The following FANCC variants were observed in gnomAD, a reference collection of about 807,000 sequenced individuals.
FANCC encodes FA complementation group C.
A neutral mutation model predicts 71.3 loss-of-function variants in FANCC; 55 were observed. That is an observed-to-expected ratio of 0.77 (90% confidence interval 0.62 to 0.97). The LOEUF is 0.97. Ranked by LOEUF, FANCC falls within the 50% of genes least tolerant of loss-of-function variation. The probability of loss-of-function intolerance (pLI) is 0.00; values close to 1 mark genes in which losing one functional copy is unlikely to be tolerated. For synonymous variants in FANCC, 275 were observed against 244.9 expected (o/e 1.12, Z -1.15); for missense variants, 678 against 670.9 (o/e 1.01, Z -0.12).
chr9:95,293,972 G>C (rs1834222296), intron 1 of FANCC: 15 of 1,587,038 alleles, frequency 9.5e-6, no homozygotes, highest in Non-Finnish European at 1.3e-5. Context: ...GTAACTCATA[G>C]TTTGTTACCT....
intron 4 of FANCC, among the ~76,000 whole-genome samples, chr9:95,238,537 T>A (rs1285569854): frequency 1.3e-5 from 2 of 152,022 alleles, no homozygotes; most frequent in African/African-American, 2.4e-5. Flanking sequence ...ACTGGCTACA[T>A]GATATCTCTG....
intron 7 of FANCC, among the ~76,000 whole-genome samples, chr9:95,137,589 G>A (rs139721830): frequency 6.6e-6 from 1 of 152,182 alleles, no homozygotes; most frequent in Non-Finnish European, 1.5e-5. Context: ...ATTTCTGGAG[G>A]ATTTACTAAG....
chr9:95,280,140 T>C (rs983223899), intron 1 of FANCC, among the ~76,000 whole-genome samples: 3 of 151,932 alleles, frequency 2.0e-5, no homozygotes, highest in African/African-American at 2.4e-5. Context: ...ATTGTGGCTA[T>C]ACTGATATTA....
At chr9:95,240,283 C>T (rs1038258911) in intron 4 of FANCC, among the ~76,000 whole-genome samples, 8 of 152,156 alleles carry the variant, frequency 5.3e-5, no homozygotes, top group African/African-American at 1.9e-4. Context: ...TTGAGAGAGG[C>T]ATGGAAGCAT....
At chr9:95,186,312 A>G (rs780311136) in intron 4 of FANCC, among the ~76,000 whole-genome samples, 1 of 152,214 alleles carries the variant, frequency 6.6e-6, no homozygotes, top group Non-Finnish European at 1.5e-5. Flanking sequence ...TGGGCCTGAC[A>G]ATTCCTTGTT....
intron 2 of FANCC, among the ~76,000 whole-genome samples, chr9:95,248,390 G>A (rs1207663936): frequency 1.3e-5 from 2 of 151,880 alleles, no homozygotes; most frequent in Non-Finnish European, 2.9e-5. Context: ...AATTAGCATC[G>A]GTTGTTCACA....
chr9:95,259,490 TG>T (rs1831888947), intron 1 of FANCC, among the ~76,000 whole-genome samples: 2 of 152,198 alleles, frequency 1.3e-5, no homozygotes, highest in South Asian at 4.1e-4. Flanking sequence ...GCTAGCCATA[TG>T]CAGAAAACTG....
At chr9:95,145,910 A>G (rs1829476408) in intron 7 of FANCC, among the ~76,000 whole-genome samples, 2 of 152,196 alleles carry the variant, frequency 1.3e-5, no homozygotes, top group Admixed American at 6.5e-5. Flanking sequence ...AGGGATTGAA[A>G]GAGACTTAAA....
intron 7 of FANCC, among the ~76,000 whole-genome samples, chr9:95,138,708 G>A (rs913257231): frequency 6.6e-6 from 1 of 152,170 alleles, no homozygotes; most frequent in Admixed American, 6.5e-5. Context: ...CATTCATCCT[G>A]CCAGGTGGTG....
chr9:95,212,972 T>C (rs776969824), intron 4 of FANCC, among the ~76,000 whole-genome samples: 13 of 152,164 alleles, frequency 8.5e-5, no homozygotes, highest in Non-Finnish European at 1.8e-4. Context: ...ACTGACCACA[T>C]GGGCAAATGA....
intron 8 of FANCC, among the ~76,000 whole-genome samples, chr9:95,134,545 T>C (rs896113594): frequency 3.9e-5 from 6 of 152,082 alleles, no homozygotes; most frequent in Non-Finnish European, 5.9e-5. Context: ...TTACGAAAGC[T>C]AAAGGGAAAA....
intron 1 of FANCC, among the ~76,000 whole-genome samples, chr9:95,271,584 C>G (rs555880119): frequency 6.6e-6 from 1 of 152,272 alleles, no homozygotes; most frequent in East Asian, 1.9e-4. Context: ...AGAACTGCAA[C>G]AAGATATGAT....
intron 9 of FANCC, among the ~76,000 whole-genome samples, chr9:95,126,235 C>T (rs1416622213): frequency 2.6e-5 from 4 of 152,132 alleles, no homozygotes; most frequent in African/African-American, 9.7e-5. Context: ...GAGAAAAATC[C>T]TACATGAATA....
At chr9:95,260,759 A>G (rs1044640253) in intron 1 of FANCC, among the ~76,000 whole-genome samples, 1 of 152,210 alleles carries the variant, frequency 6.6e-6, no homozygotes, top group African/African-American at 2.4e-5. Context: ...AAAAAAGGAA[A>G]AAGTATTATA....
At position 95,184,445 on chromosome 9, in the gene FANCC, T is replaced by C. The variant is rs181737837; in HGVS notation, c.346-12298A>G. 1.7e-3 allele frequency among the ~76,000 whole-genome samples: 265 copies of C among 152,206 alleles called. 1 individual carries two copies. The highest frequency in any genetic ancestry group is 2.8e-3 in the Admixed American group (43 of 15,292). ...TTACTTCACTAAAAAAAGAAAGAAATGTCCTCTACAGAGTAAGATGGACCA... is the reference window on the plus strand; with the variant it reads ...TTACTTCACTAAAAAAAGAAAGAAACGTCCTCTACAGAGTAAGATGGACCA... On this transcript the variant is annotated intron_variant, in intron 4 of 14. Transcript: ENST00000289081.
At chr9:95,200,972 C>T (rs775058918) in intron 4 of FANCC, among the ~76,000 whole-genome samples, 1 of 152,286 alleles carries the variant, frequency 6.6e-6, no homozygotes, top group Middle Eastern at 3.4e-3. Context: ...CTCCAGAACA[C>T]GTCAACTAAG....
Position 95,101,535 on chromosome 9 carries a change from C to T in FANCC, c.*172G>A. 1 of 796,364 alleles carries T rather than the reference C, an allele frequency of 1.3e-6. No individual in the cohort carries two copies. The highest frequency in any genetic ancestry group is 2.2e-5 in the Admixed American group (1 of 45,114). 49.3% of individuals were successfully genotyped at this position (796,364 alleles called of 1,614,324 possible). On this transcript the variant is annotated 3_prime_UTR_variant, in exon 15 of 15. Coordinates refer to ENST00000289081, the MANE Select transcript of FANCC (RefSeq NM_000136.3). ...TGAGTCTGGGCTGAGGGACCTGGCTCTGCATTTTGTAAAATAGATACTAGC... is the reference window on the plus strand; with the variant it reads ...TGAGTCTGGGCTGAGGGACCTGGCTTTGCATTTTGTAAAATAGATACTAGC...
intron 11 of FANCC, 79 bp downstream of exon 11, chr9:95,117,236 G>T: frequency 8.2e-7 from 1 of 1,219,122 alleles, no homozygotes; most frequent in Non-Finnish European, 1.2e-6. Context: ...GTAGATAAGG[G>T]CCTGATGAGG....
At chr9:95,106,167 T>C (rs1488560303) in intron 14 of FANCC, among the ~76,000 whole-genome samples, 1 of 152,212 alleles carries the variant, frequency 6.6e-6, no homozygotes, top group Non-Finnish European at 1.5e-5. Context: ...CTGATGGCTG[T>C]GCAGTGCATC....
Sources: gnomAD v4.1 joint callset for allele counts (sites outside exome capture counted in the v4.1 genomes callset) on GRCh38, gnomAD v4.1.1 for gene constraint, MANE v1.5 for transcripts, NCBI Gene and HGNC (gene_info 2026-07-23, HGNC 2026-07-21) for gene names.